KRTAP9-9: variants seen among roughly 807,000 people sequenced by gnomAD.
KRTAP9-9 encodes keratin associated protein 9-9, also known as keratin-associated protein 9-9.
In KRTAP9-9, 12 loss-of-function variants were observed where a neutral mutation model predicts 13.7. That is an observed-to-expected ratio of 0.88 (90% CI 0.56 to 1.42). KRTAP9-9 has a LOEUF of 1.42. Among genes scored for constraint, KRTAP9-9 ranks in the 40% most tolerant of loss-of-function variants. The probability of loss-of-function intolerance (pLI) is 0.00; values close to 1 mark genes in which losing one functional copy is unlikely to be tolerated. For synonymous variants in KRTAP9-9, 81 were observed against 78.1 expected, an observed-to-expected ratio of 1.04 and a Z score of -0.19; for missense variants, 194 against 206.5, an observed-to-expected ratio of 0.94 and a Z score of 0.37.
At chr17:41,255,500 G>C in exon 1 of KRTAP9-9, 2 of 1,611,740 alleles carry the variant, frequency 1.2e-6, no homozygotes, top group Non-Finnish European at 1.7e-6. Flanking sequence ...CTCCTGCTGT[G>C]TGTCTAGCTG....
rs964043077 is a variant in KRTAP9-9, at chr17:41,256,202, C to G, written c.*307C>G. 3 of 530,008 alleles carry G rather than the reference C, an allele frequency of 5.7e-6. No individual in the cohort carries two copies. The African/African-American group carries it at 5.7e-5, about 10-fold the overall frequency. 32.8% of individuals were successfully genotyped at this position (530,008 alleles called of 1,614,324 possible). A position where few individuals can be genotyped will look rare whatever the true frequency, so the allele number is the denominator to read the frequency against. ...CTCTTCACTTAAGAAACTTAAGTTGCTGCAAATGATTAAGAATCTTCACAA... is the reference window on the plus strand; with the variant it reads ...CTCTTCACTTAAGAAACTTAAGTTGGTGCAAATGATTAAGAATCTTCACAA... On this transcript the variant is annotated 3_prime_UTR_variant, in exon 1 of 1. Coordinates refer to ENST00000394008, the Ensembl canonical transcript of KRTAP9-9.
rs539568748 is a variant in KRTAP9-9, at chr17:41,255,692, A to C, written c.307A>C (p.Ser103Arg). Reference sequence around the variant, plus strand: ...CAGCTGTGGGTCCAGCTGTGGCCAGAGCAGCTCCTGTGCACCTGTGTACTG... The same window carrying C: ...CAGCTGTGGGTCCAGCTGTGGCCAGCGCAGCTCCTGTGCACCTGTGTACTG... The change falls in exon 1 of 1, where the codon AGC becomes CGC. Residue 103 changes from serine (S) to arginine (R), a missense_variant. Coordinates refer to ENST00000394008, the Ensembl canonical transcript of KRTAP9-9. 2,095 of 1,613,764 alleles carry C rather than the reference A, an allele frequency of 1.3e-3. 26 individuals are homozygous for C. The African/African-American group carries it at 0.024, about 19-fold the overall frequency.
exon 1 of KRTAP9-9, chr17:41,255,925 A>G: frequency 1.9e-6 from 3 of 1,610,260 alleles, no homozygotes; most frequent in South Asian, 2.2e-5. Flanking sequence ...CCATCTTCAC[A>G]CAACAACCTT....
exon 1 of KRTAP9-9, chr17:41,255,745 T>C: frequency 6.2e-7 from 1 of 1,613,342 alleles, no homozygotes; most frequent in Non-Finnish European, 8.5e-7. Context: ...ACCCGACGAC[T>C]GTCTGCCTGC....
exon 1 of KRTAP9-9, chr17:41,255,927 A>G (rs748725285): frequency 6.2e-7 from 1 of 1,609,692 alleles, no homozygotes; most frequent in Non-Finnish European, 8.5e-7. Flanking sequence ...ATCTTCACAC[A>G]ACAACCTTCT....
At chr17:41,256,327 A>G (rs753962824) in exon 1 of KRTAP9-9, 6 of 207,788 alleles carry the variant, frequency 2.9e-5, no homozygotes, top group Non-Finnish European at 6.4e-5. Flanking sequence ...TCTTACCTAT[A>G]TATTTCTTAA....
chr17:41,255,961 G>A lies in KRTAP9-9; in HGVS notation c.*66G>A. On this transcript the variant is annotated 3_prime_UTR_variant, in exon 1 of 1. Transcript: ENST00000394008. ...CTGCTCAACTGACTTATCTTTTGGAGGACTAATTTACCTTACTGCTGACAG... is the reference window on the plus strand; with the variant it reads ...CTGCTCAACTGACTTATCTTTTGGAAGACTAATTTACCTTACTGCTGACAG... 3 of 1,587,014 alleles carry A rather than the reference G, an allele frequency of 1.9e-6. No homozygotes were observed. In the South Asian group the frequency reaches 3.5e-5, roughly 18 times the overall value.
chr17:41,255,634 C>T (rs1039894703), exon 1 of KRTAP9-9: 15 of 1,611,222 alleles, frequency 9.3e-6, no homozygotes, highest in Non-Finnish European at 1.2e-5. Flanking sequence ...GCTGCCAGCC[C>T]ATCTGCTGTG....
chr17:41,255,688 C>T (rs368809647), exon 1 of KRTAP9-9: 54 of 1,613,466 alleles, frequency 3.3e-5, no homozygotes, highest in East Asian at 1.3e-4. Context: ...CCAGCTGTGG[C>T]CAGAGCAGCT....
chr17:41,255,528 G>A lies in KRTAP9-9; in HGVS notation c.143G>A (p.Arg48His), dbSNP rs201653647. 361 of 1,612,886 alleles carry A rather than the reference G, an allele frequency of 2.2e-4. 1 individual carries two copies. In the East Asian group the frequency reaches 2.6e-3, roughly 12 times the overall value. ...TCTAGCTGCTGCCAGCCTTGCTGCC[G>A]CCCAGCTTGCTGTCAAAACACCTGC... Residue 48 changes from arginine (R) to histidine (H), a missense_variant, in exon 1 of 1, where the codon CGC (arginine) becomes CAC (histidine). By Grantham distance (29) the Arg-to-His change is conservative (BLOSUM62 0). Coordinates refer to ENST00000394008, the Ensembl canonical transcript of KRTAP9-9.
exon 1 of KRTAP9-9, chr17:41,255,781 A>C (rs553345208): frequency 8.1e-6 from 13 of 1,600,222 alleles, no homozygotes; most frequent in South Asian, 5.5e-5. Context: ...AGAGCTGTGG[A>C]TCCAGCTGCT....
At chr17:41,256,356 T>C (rs902979273) in exon 1 of KRTAP9-9, 2 of 194,960 alleles carry the variant, frequency 1.0e-5, no homozygotes, top group African/African-American at 2.4e-5. Flanking sequence ...TTTGGAACTA[T>C]TATTCATACC....
exon 1 of KRTAP9-9, chr17:41,256,191 A>T: frequency 1.8e-6 from 1 of 550,618 alleles, no homozygotes; most frequent in Non-Finnish European, 3.2e-6. Flanking sequence ...TCACTTAAGA[A>T]ACTTAAGTTG....
chr17:41,255,429 GGACCACCTGCTGGAAGCCCACCACTGT>G (rs2016298749), exon 1 of KRTAP9-9: 1 of 1,598,828 alleles, frequency 6.3e-7, no homozygotes, highest in African/African-American at 1.4e-5. Context: ...ACCTGCTGCA[GGACCACCTGCTGGAAGCCCACCACTGT>G]GACCACCTGC....
At chr17:41,255,901 T>C (rs1422879345) in exon 1 of KRTAP9-9, 30 of 1,613,812 alleles carry the variant, frequency 1.9e-5, no homozygotes, top group Non-Finnish European at 2.4e-5. Context: ...GCTGATCAAG[T>C]CCCAAGAGAA....
At chr17:41,255,886 T>C in exon 1 of KRTAP9-9, 1 of 1,614,068 alleles carries the variant, frequency 6.2e-7, no homozygotes, top group Non-Finnish European at 8.5e-7. Context: ...GCCAGCCTTC[T>C]TGCTGCTGAT....
exon 1 of KRTAP9-9, chr17:41,255,702 G>A: frequency 6.2e-7 from 1 of 1,613,584 alleles, no homozygotes; most frequent in Non-Finnish European, 8.5e-7. Flanking sequence ...AGCAGCTCCT[G>A]TGCACCTGTG....
exon 1 of KRTAP9-9, chr17:41,256,002 C>T (rs1172388338): frequency 1.6e-5 from 24 of 1,534,842 alleles, no homozygotes; most frequent in Admixed American, 2.0e-5. Context: ...ATGTTCTCAC[C>T]CAAATTTTTA....
At chr17:41,255,784 C>T (rs1187570753) in exon 1 of KRTAP9-9, 7 of 1,610,894 alleles carry the variant, frequency 4.3e-6, no homozygotes, top group Non-Finnish European at 5.9e-6. Flanking sequence ...GCTGTGGATC[C>T]AGCTGCTGCC....
Sources: gnomAD v4.1 joint callset for allele counts on GRCh38, gnomAD v4.1.1 for gene constraint, MANE v1.5 for transcripts, NCBI Gene and HGNC (gene_info 2026-07-23, HGNC 2026-07-21) for gene names.